The following PAX2 variants were observed in gnomAD, a reference collection of about 807,000 sequenced individuals.
The protein encoded by PAX2 is paired box protein Pax-2.
A neutral mutation model predicts 41.7 loss-of-function variants in PAX2; 9 were observed. The ratio of observed to expected loss-of-function variants is 0.22; its 90% CI spans 0.13 to 0.38. The LOEUF is 0.38. Among genes scored for constraint, PAX2 ranks in the 10% least tolerant of loss-of-function variants. The pLI, the probability that PAX2 is intolerant of heterozygous loss-of-function variation, is 1.00. For synonymous variants in PAX2, 221 were observed against 212.7 expected (o/e 1.04, Z -0.34); for missense variants, 418 against 531.6 (o/e 0.79, Z 2.10).
chr10:100,810,657 CA>C (rs1847959735), intron 7 of PAX2, among the ~76,000 whole-genome samples: 2 of 152,220 alleles, frequency 1.3e-5, no homozygotes, highest in African/African-American at 4.8e-5. Context: ...GGTCACTTCC[CA>C]AAGATGGCCA....
chr10:100,775,799 G>C (rs934842856), intron 3 of PAX2, among the ~76,000 whole-genome samples: 1 of 152,202 alleles, frequency 6.6e-6, no homozygotes, highest in Non-Finnish European at 1.5e-5. Context: ...CATCTTTCTA[G>C]ACTTTTCTTG....
chr10:100,739,280 T>C (rs1018967927), intron 1 of PAX2, among the ~76,000 whole-genome samples: 4 of 152,162 alleles, frequency 2.6e-5, no homozygotes, highest in African/African-American at 9.6e-5. Flanking sequence ...TCGGGTCCTT[T>C]GTCTCCAGCC....
chr10:100,805,807 C>T (rs1439633016), intron 5 of PAX2, among the ~76,000 whole-genome samples: 2 of 152,174 alleles, frequency 1.3e-5, no homozygotes, highest in South Asian at 2.1e-4. Flanking sequence ...CTTTGCTGCT[C>T]TAGCGACACC....
At position 100,806,500 on chromosome 10, in the gene PAX2, A is replaced by G. The variant is rs752770412; in HGVS notation, c.687A>G (p.Arg229=). The G allele has an allele frequency of 3.1e-6, 5 of 1,614,118 alleles. No individual in the cohort carries two copies. The highest frequency in any genetic ancestry group is 1.3e-5 in the African/African-American group (1 of 74,944). Residue 229 remains arginine, a synonymous_variant, in exon 6 of 10, where the codon CGA becomes CGG. Coordinates refer to ENST00000355243, the MANE Select transcript of PAX2 (RefSeq NM_000278.5). ...TGGACAGTTTGCGGAAGCACTTGCG[A>G]GCTGACACCTTCACCCAGCAGCAGC... is the stretch of plus-strand genomic sequence containing the variant. ...SGVDSLRKHL[R]ADTFTQQQLE...
intron 1 of PAX2, among the ~76,000 whole-genome samples, chr10:100,739,313 C>T (rs1844872229): frequency 1.3e-5 from 2 of 152,212 alleles, no homozygotes; most frequent in South Asian, 2.1e-4. Context: ...GTCCCCGCCT[C>T]GGCGGCCCTG....
chr10:100,736,903 A>G (rs1844791680), intron 1 of PAX2, among the ~76,000 whole-genome samples: 1 of 152,190 alleles, frequency 6.6e-6, no homozygotes, highest in Non-Finnish European at 1.5e-5. Context: ...GGTGTTGAAG[A>G]TGGAATTCAA....
chr10:100,809,228 T>C lies in PAX2; in HGVS notation c.911T>C (p.Val304Ala), dbSNP rs1286742017. Residue 304 changes from valine (V) to alanine (A), a missense_variant, in exon 7 of 10, where the codon GTT becomes GCT. Val to Ala is a moderately conservative substitution (Grantham distance 64, BLOSUM62 0). Coordinates refer to ENST00000355243, the MANE Select transcript of PAX2 (RefSeq NM_000278.5). ...SNVSGTQTYP[V>A]VTGRDMASTT... The stretch of plus-strand genomic sequence containing the variant: ...GTGTCAGGCACACAGACATACCCAG[T>C]TGTGACTGGTAAGGGGGCTTCCAGG... The C allele has an allele frequency of 1.2e-6, 2 of 1,613,290 alleles. No homozygotes were observed. The highest frequency in any genetic ancestry group is 2.7e-5 in the African/African-American group (2 of 74,860).
In PAX2 at chr10:100,745,907, C is replaced by T. The variant is rs910761082; in HGVS notation, c.-354C>T. ...ATGACCAGGTTCCAGGGGAGCTGAGCGAGTCGCCTCCCCCGCCCAGCTTCA... is the reference window on the plus strand; with the variant it reads ...ATGACCAGGTTCCAGGGGAGCTGAGTGAGTCGCCTCCCCCGCCCAGCTTCA... On this transcript the variant is annotated 5_prime_UTR_variant, in exon 1 of 10. Coordinates refer to ENST00000355243, the MANE Select transcript of PAX2 (RefSeq NM_000278.5). The T allele has an allele frequency of 2.5e-6, 3 of 1,195,280 alleles. No individual in the cohort carries two copies. Among genetic ancestry groups the T allele is most frequent in the Admixed American group, 4.9e-5 (1 of 20,602 alleles). 74.0% of individuals were successfully genotyped at this position (1,195,280 alleles called of 1,614,324 possible).
chr10:100,815,317 CT>C (rs1848152503), intron 7 of PAX2, among the ~76,000 whole-genome samples: 1 of 152,136 alleles, frequency 6.6e-6, no homozygotes, highest in Non-Finnish European at 1.5e-5. Flanking sequence ...CCCTGATTAG[CT>C]AGAGGAATTT....
chr10:100,796,801 T>C (rs943023582), intron 5 of PAX2, among the ~76,000 whole-genome samples: 9 of 152,218 alleles, frequency 5.9e-5, no homozygotes, highest in Non-Finnish European at 1.0e-4. Flanking sequence ...TTTTCTTTCT[T>C]GGTCAGAATT....
chr10:100,793,275 G>C (rs368282887), intron 5 of PAX2, among the ~76,000 whole-genome samples: 9 of 152,206 alleles, frequency 5.9e-5, no homozygotes, highest in African/African-American at 1.9e-4. Flanking sequence ...CAGCAGGACT[G>C]CATACCAGTG....
Position 100,750,614 on chromosome 10 carries a change from C to A in PAX2, c.213-80C>A. 7.8e-7 allele frequency: 1 copy of A among 1,274,302 alleles called. No individual in the cohort carries two copies. Among genetic ancestry groups the A allele is most frequent in the Non-Finnish European group, 1.1e-6 (1 of 887,106 alleles). 78.9% of individuals were successfully genotyped at this position (1,274,302 alleles called of 1,614,324 possible). A position where few individuals can be genotyped will look rare whatever the true frequency, so the allele number is the denominator to read the frequency against. On this transcript the variant is annotated intron_variant, in intron 2 of 9. Coordinates refer to ENST00000355243, the MANE Select transcript of PAX2 (RefSeq NM_000278.5). The surrounding 1 kb of genome is among the most constrained non-coding windows in gnomAD (Gnocchi z 4.1). ...CTGCCTCGGCCGGGCAGGAGAGTGG[C>A]TCAGCAGCTCTGGAACCTGCAGCCC...
chr10:100,758,113 C>G (rs1845701036), intron 3 of PAX2, among the ~76,000 whole-genome samples: 1 of 150,828 alleles, frequency 6.6e-6, no homozygotes, highest in African/African-American at 2.4e-5. Flanking sequence ...AGAAAGAGAG[C>G]AGGGCAGGGG....
chr10:100,786,617 G>C (rs1846874783), intron 5 of PAX2, among the ~76,000 whole-genome samples: 1 of 152,332 alleles, frequency 6.6e-6, no homozygotes, highest in East Asian at 1.9e-4. Context: ...TGCTTGGAGA[G>C]AGTGCCGGGT....
intron 3 of PAX2, among the ~76,000 whole-genome samples, chr10:100,754,481 C>G (rs1360291961): frequency 6.6e-6 from 1 of 152,244 alleles, no homozygotes; most frequent in African/African-American, 2.4e-5. Flanking sequence ...ACTATCCACA[C>G]TCTCTCTTAG....
rs1242594274 is a variant in PAX2 at position 100,750,404 on chromosome 10, C to G, written c.213-290C>G. 3.9e-5 allele frequency among the ~76,000 whole-genome samples: 6 copies of G among 152,132 alleles called. No individual in the cohort carries two copies. Among genetic ancestry groups the G allele is most frequent in the Non-Finnish European group, 7.4e-5 (5 of 68,022 alleles). On this transcript the variant is annotated intron_variant, in intron 2 of 9. Coordinates refer to ENST00000355243, the MANE Select transcript of PAX2 (RefSeq NM_000278.5). This position sits in a 1 kb window ranked among gnomAD's most constrained non-coding sequence, Gnocchi z 4.1. Reference sequence around the variant, plus strand: ...TTGCAGCGCTGTTCGTTTTGCTCTTCCCAAGTGAAAGGCTGGGCTTTCACT... The same window carrying G: ...TTGCAGCGCTGTTCGTTTTGCTCTTGCCAAGTGAAAGGCTGGGCTTTCACT...
intron 5 of PAX2, among the ~76,000 whole-genome samples, chr10:100,789,320 G>C (rs1056399972): frequency 2.0e-5 from 3 of 152,160 alleles, no homozygotes; most frequent in Non-Finnish European, 4.4e-5. Flanking sequence ...TGGCCAGGCT[G>C]GTCTTGAACT....
chr10:100,746,128 G>GCCCCCC lies in PAX2; in HGVS notation c.-129_-128insCCCCCC. 1.3e-6 allele frequency: 2 copies of GCCCCCC among 1,517,498 alleles called. No homozygotes were observed. 94.0% of individuals were successfully genotyped at this position (1,517,498 alleles called of 1,614,324 possible). ...AGTGCTGCGCCCCCCGCCCCCGCGCGCCCCGCAGCAGCCGGGCGTTCACTC... is the reference window on the plus strand; with the variant it reads ...AGTGCTGCGCCCCCCGCCCCCGCGCGCCCCCCCCCCGCAGCAGCCGGGCGTTCACTC... On this transcript the variant is annotated 5_prime_UTR_variant, in exon 1 of 10. Transcript: ENST00000355243.
At chr10:100,778,711 A>C (rs1295120338) in intron 3 of PAX2, among the ~76,000 whole-genome samples, 1 of 151,994 alleles carries the variant, frequency 6.6e-6, no homozygotes, top group East Asian at 1.9e-4. Flanking sequence ...AGGCTCCTGG[A>C]ATGTTTGATT....
Sources: allele counts gnomAD v4.1 joint callset (sites outside exome capture counted in the v4.1 genomes callset), GRCh38; gene constraint gnomAD v4.1.1; non-coding constraint Gnocchi (gnomAD v3.1); transcripts MANE v1.5; gene names NCBI Gene and HGNC (gene_info 2026-07-23, HGNC 2026-07-21).